Variants in ANK3 observed in about 807,000 individuals in gnomAD.
ANK3 encodes ankyrin 3, also known as ankyrin-3.
ANK3 carries 57 observed loss-of-function variants against 370.9 expected under a neutral mutation model. That is an observed-to-expected ratio of 0.15 (90% CI 0.12 to 0.19). The LOEUF (loss-of-function observed/expected upper bound fraction) is 0.19. Ranked by LOEUF, ANK3 falls within the 10% of genes least tolerant of loss-of-function variation. ANK3 has a pLI of 1.00. For synonymous variants in ANK3, 1,929 were observed against 1,946.3 expected (o/e 0.99, Z 0.23); for missense variants, 4,439 against 5,302.1 (o/e 0.84, Z 5.06).
At chr10:60,418,783 C>A (rs971301758) in intron 2 of ANK3, among the ~76,000 whole-genome samples, 2 of 150,956 alleles carry the variant, frequency 1.3e-5, no homozygotes, top group East Asian at 1.9e-4. Context: ...GACTTGGGAA[C>A]CCTAAACAGA....
chr10:60,296,261 T>C (rs752181016), intron 1 of ANK3, among the ~76,000 whole-genome samples: 5 of 152,168 alleles, frequency 3.3e-5, no homozygotes, highest in Admixed American at 1.3e-4. Flanking sequence ...ACACTGTCCA[T>C]AGGATGTCCA....
rs2096582624 is a variant in ANK3 at position 60,196,152 on chromosome 10, G to C, written c.1880C>G (p.Ala627Gly). 2 of 1,613,540 alleles carry C rather than the reference G, an allele frequency of 1.2e-6. No individual in the cohort carries two copies. Among genetic ancestry groups the C allele is most frequent in the South Asian group, 2.2e-5 (2 of 91,048 alleles). ...CTGTGGAATTATAGGTACCTTTGCG[G>C]CTGCGTGAGGTGAGGCTCCTTGGTC... ...LLDQGASPHA[A>G]AKNGYTPLHI... Residue 627 changes from alanine to glycine, a missense_variant, in exon 16 of 44, where the codon GCC becomes GGC. Physicochemically the swap from Ala to Gly is moderately conservative, Grantham distance 60 (BLOSUM62 0). Around this residue, in one of 13 missense-constraint regions of ANK3, gnomAD observed 192 missense variants for 192.1 expected, o/e 1.00. Transcript: ENST00000280772.
At chr10:60,717,988 T>C (rs1046634456) in intron 1 of ANK3, among the ~76,000 whole-genome samples, 51 of 152,256 alleles carry the variant, frequency 3.3e-4, no homozygotes, top group African/African-American at 1.1e-3. Context: ...AACAGTTTCA[T>C]TGGTTACAGC....
intron 2 of ANK3, among the ~76,000 whole-genome samples, chr10:60,459,452 A>T (rs561475553): frequency 6.6e-6 from 1 of 152,278 alleles, no homozygotes; most frequent in African/African-American, 2.4e-5. Flanking sequence ...ACATTGTCAG[A>T]TACCTGTTGC....
chr10:60,544,731 C>T (rs868597815), intron 2 of ANK3, among the ~76,000 whole-genome samples: 1 of 152,042 alleles, frequency 6.6e-6, no homozygotes. Flanking sequence ...ATAAGGCTGT[C>T]TTGATCATTT....
chr10:60,481,967 C>T (rs996357879), intron 2 of ANK3, among the ~76,000 whole-genome samples: 2 of 152,152 alleles, frequency 1.3e-5, no homozygotes, highest in African/African-American at 2.4e-5. Flanking sequence ...TGTCCAGAAG[C>T]GTCAGTGGAG....
At chr10:60,227,545 T>C (rs140240158) in intron 8 of ANK3, among the ~76,000 whole-genome samples, 2,626 of 152,234 alleles carry the variant, frequency 0.017, 26 homozygotes, top group Non-Finnish European at 0.027. Flanking sequence ...GACTACATTG[T>C]ATAGATTTAG....
At chr10:60,543,045 G>A (rs1199956409) in intron 2 of ANK3, among the ~76,000 whole-genome samples, 2 of 151,724 alleles carry the variant, frequency 1.3e-5, no homozygotes, top group Non-Finnish European at 2.9e-5. Flanking sequence ...AGTCCTTAAG[G>A]GATTGTGCTA....
chr10:60,317,970 C>A (rs2047820824), intron 1 of ANK3, among the ~76,000 whole-genome samples: 1 of 151,886 alleles, frequency 6.6e-6, no homozygotes, highest in African/African-American at 2.4e-5. Flanking sequence ...CCCGCCTCGG[C>A]CTTCATGAGA....
chr10:60,111,932 A>G (rs1279795761), intron 26 of ANK3, among the ~76,000 whole-genome samples: 2 of 152,216 alleles, frequency 1.3e-5, no homozygotes, highest in Non-Finnish European at 2.9e-5. Flanking sequence ...TGCCTTATGT[A>G]GCTGCATAAA....
intron 1 of ANK3, among the ~76,000 whole-genome samples, chr10:60,361,387 A>G (rs1282676308): frequency 6.6e-6 from 1 of 152,224 alleles, no homozygotes; most frequent in Admixed American, 6.5e-5. Context: ...AGAATTTCAA[A>G]GTGAGAGTTT....
At chr10:60,438,950 A>T (rs538090616) in intron 2 of ANK3, among the ~76,000 whole-genome samples, 1 of 152,224 alleles carries the variant, frequency 6.6e-6, no homozygotes, top group South Asian at 2.1e-4. Flanking sequence ...TCTTAAAACA[A>T]GGTGAACCTA....
chr10:60,385,706 A>AGGC (rs1308288348), intron 1 of ANK3, among the ~76,000 whole-genome samples: 1 of 152,158 alleles, frequency 6.6e-6, no homozygotes, highest in Non-Finnish European at 1.5e-5. Flanking sequence ...GCACTGTGTC[A>AGGC]GGCGCATGTA....
At chr10:60,325,312 G>A (rs1241015684) in intron 1 of ANK3, among the ~76,000 whole-genome samples, 2 of 152,154 alleles carry the variant, frequency 1.3e-5, no homozygotes, top group Non-Finnish European at 2.9e-5. Flanking sequence ...CTGTGCCTGT[G>A]AGAAGATTAC....
intron 2 of ANK3, among the ~76,000 whole-genome samples, chr10:60,434,931 G>C (rs1043679068): frequency 6.6e-6 from 1 of 152,082 alleles, no homozygotes; most frequent in East Asian, 1.9e-4. Flanking sequence ...TTTTTTCAAA[G>C]AGGATTATGT....
At chr10:60,091,302 C>G (rs900818299) in intron 28 of ANK3, among the ~76,000 whole-genome samples, 1 of 152,158 alleles carries the variant, frequency 6.6e-6, no homozygotes, top group Admixed American at 6.5e-5. Flanking sequence ...CTAGACATTC[C>G]TGCAGTTAGT....
chr10:60,719,665 T>C (rs16915425), intron 1 of ANK3, among the ~76,000 whole-genome samples: 1,581 of 152,292 alleles, frequency 0.01, 29 homozygotes, highest in African/African-American at 0.036. Flanking sequence ...CAGAGCCATT[T>C]ATCCTTTTGG....
At chr10:60,585,561 T>A (rs902057514) in intron 2 of ANK3, among the ~76,000 whole-genome samples, 9 of 152,276 alleles carry the variant, frequency 5.9e-5, no homozygotes, top group African/African-American at 2.2e-4. Context: ...TCCCTATCAC[T>A]TCAGGTGACA....
At chr10:60,672,195 G>T (rs1423857997) in intron 1 of ANK3, among the ~76,000 whole-genome samples, 2 of 152,188 alleles carry the variant, frequency 1.3e-5, no homozygotes, top group Non-Finnish European at 2.9e-5. Context: ...CCTGAGCAGA[G>T]GTGCTAGATG....
Sources: gnomAD v4.1 joint callset for allele counts (sites outside exome capture counted in the v4.1 genomes callset) on GRCh38, gnomAD v4.1.1 for gene constraint, gnomAD v4.1.1 regional missense constraint, MANE v1.5 for transcripts, NCBI Gene and HGNC (gene_info 2026-07-23, HGNC 2026-07-21) for gene names.